ALPL: variants seen among roughly 807,000 people sequenced by gnomAD.
The protein encoded by ALPL is alkaline phosphatase, tissue-nonspecific isozyme.
Under a neutral mutation model 51.3 loss-of-function variants are expected in ALPL, and 42 were observed. The observed-to-expected ratio is 0.82, with a 90% CI of 0.64 to 1.06. The LOEUF is 1.06. ALPL is among the 50% of genes least tolerant of loss of function. The pLI is 0.00. For synonymous variants in ALPL, 279 were observed against 296.4 expected (o/e 0.94, Z 0.60); for missense variants, 589 against 709.4 (o/e 0.83, Z 1.93).
At chr1:21,521,622 A>T (rs1218915756) in intron 1 of ALPL, among the ~76,000 whole-genome samples, 1 of 152,090 alleles carries the variant, frequency 6.6e-6, no homozygotes, top group African/African-American at 2.4e-5. Flanking sequence ...CCCTCCCCAG[A>T]CCTTCACTGG....
At chr1:21,576,424 C>A in intron 10 of ALPL, 98 bp from the exon 11 acceptor site, 1 of 1,532,968 alleles carries the variant, frequency 6.5e-7, no homozygotes, top group Non-Finnish European at 8.9e-7. Context: ...CAAAGAAGAT[C>A]CCAGGGGTTA....
intron 1 of ALPL, among the ~76,000 whole-genome samples, chr1:21,528,536 G>C (rs1361850297): frequency 6.6e-6 from 1 of 151,062 alleles, no homozygotes; most frequent in African/African-American, 2.4e-5. Context: ...ATTTTTAGTA[G>C]AGATGAGATT....
intron 7 of ALPL, among the ~76,000 whole-genome samples, chr1:21,568,846 A>T (rs1644606370): frequency 6.6e-6 from 1 of 151,950 alleles, no homozygotes; most frequent in Non-Finnish European, 1.5e-5. Context: ...TAGATTGGGG[A>T]AGGGAGGCTG....
At chr1:21,533,789 C>A (rs79009615) in intron 1 of ALPL, among the ~76,000 whole-genome samples, 1 of 151,580 alleles carries the variant, frequency 6.6e-6, no homozygotes, top group African/African-American at 2.4e-5. Flanking sequence ...CAGGTGTGGT[C>A]GTGGGCGCCT....
chr1:21,517,209 T>C (rs1454231400), intron 1 of ALPL, among the ~76,000 whole-genome samples: 1 of 152,222 alleles, frequency 6.6e-6, no homozygotes, highest in Non-Finnish European at 1.5e-5. Flanking sequence ...TTGGGGACAG[T>C]CTGTAATGAA....
At chr1:21,530,954 A>ATTTTTT (rs34079543) in intron 1 of ALPL, among the ~76,000 whole-genome samples, 2 of 103,988 alleles carry the variant, frequency 1.9e-5, no homozygotes, top group Non-Finnish European at 3.7e-5. Flanking sequence ...ATCATTTTTG[A>ATTTTTT]TTTTTTTTTT....
At chr1:21,553,940 G>T in intron 1 of ALPL, 38 bp from the exon 2 acceptor site, 1 of 739,258 alleles carries the variant, frequency 1.4e-6, no homozygotes, top group Non-Finnish European at 2.5e-6. Flanking sequence ...CTAGAGCTGT[G>T]CCCCACATGC....
At chr1:21,547,196 C>A (rs1013358264) in intron 1 of ALPL, among the ~76,000 whole-genome samples, 2 of 152,218 alleles carry the variant, frequency 1.3e-5, no homozygotes, top group Admixed American at 6.5e-5. Flanking sequence ...AGCATCGGGC[C>A]CTCCCCCGGG....
chr1:21,531,243 C>T (rs1408670403), intron 1 of ALPL, among the ~76,000 whole-genome samples: 1 of 152,128 alleles, frequency 6.6e-6, no homozygotes, highest in African/African-American at 2.4e-5. Flanking sequence ...CAGGTGTGAG[C>T]CACGGCGCCC....
intron 1 of ALPL, among the ~76,000 whole-genome samples, chr1:21,521,520 C>T (rs1466084168): frequency 1.3e-5 from 2 of 152,184 alleles, no homozygotes; most frequent in Admixed American, 6.5e-5. Flanking sequence ...CAAGGGTTTC[C>T]ACAGCTGGCC....
chr1:21,577,047 A>G (rs1489628738), intron 11 of ALPL, among the ~76,000 whole-genome samples: 1 of 152,070 alleles, frequency 6.6e-6, no homozygotes, highest in East Asian at 1.9e-4. Context: ...ATCCCATCCC[A>G]TATCATTCAT....
At chr1:21,549,129 TG>T (rs1156269704) in intron 1 of ALPL, among the ~76,000 whole-genome samples, 1 of 152,244 alleles carries the variant, frequency 6.6e-6, no homozygotes, top group Non-Finnish European at 1.5e-5. Context: ...TGCAGGTTCT[TG>T]GCATAAAGCC....
rs763457259 is a variant in ALPL, at chr1:21,573,733, G to A, written c.931G>A (p.Glu311Lys). The A allele has an allele frequency of 1.1e-5, 17 of 1,613,986 alleles. No individual in the cohort carries two copies. The highest frequency in any genetic ancestry group is 3.3e-4 in the Middle Eastern group (2 of 6,084). Reference sequence around the variant, plus strand: ...CAACGTGACGGACCCGTCACTCTCCGAGATGGTGGTGGTGGCCATCCAGAT... The same window carrying A: ...CAACGTGACGGACCCGTCACTCTCCAAGATGGTGGTGGTGGCCATCCAGAT... Reference protein sequence around the residue: ...RNNVTDPSLSEMVVVAIQILR... With the variant: ...RNNVTDPSLSKMVVVAIQILR... Residue 311 changes from glutamate to lysine, a missense_variant, in exon 9 of 12, where the codon GAG (glutamate) becomes AAG (lysine). Coordinates refer to ENST00000374840, the MANE Select transcript of ALPL (RefSeq NM_000478.6).
At position 21,529,281 on chromosome 1, in the gene ALPL, G is replaced by C. The variant is rs181644068; in HGVS notation, c.-105+19764G>C. 7.1e-4 allele frequency among the ~76,000 whole-genome samples: 107 copies of C among 150,514 alleles called. 1 individual carries two copies. Among genetic ancestry groups the C allele is most frequent in the African/African-American group, 2.4e-3 (100 of 41,036 alleles). ...GTTTCTTTTTTTTTTTCTGAGACAGGGTCTTACTTTGTCACCCAGGCTGGA... is the reference window on the plus strand; with the variant it reads ...GTTTCTTTTTTTTTTTCTGAGACAGCGTCTTACTTTGTCACCCAGGCTGGA... On this transcript the variant is annotated intron_variant, in intron 1 of 11. Coordinates refer to ENST00000374840, the MANE Select transcript of ALPL (RefSeq NM_000478.6).
At chr1:21,569,253 T>C (rs531475857) in intron 7 of ALPL, among the ~76,000 whole-genome samples, 2 of 152,172 alleles carry the variant, frequency 1.3e-5, no homozygotes, top group African/African-American at 2.4e-5. Flanking sequence ...TTTCTCTACG[T>C]GGCACATGGG....
intron 1 of ALPL, among the ~76,000 whole-genome samples, chr1:21,533,853 G>T (rs1023551771): frequency 2.0e-4 from 30 of 151,916 alleles, no homozygotes; most frequent in African/African-American, 6.3e-4. Flanking sequence ...AACCTCGGAG[G>T]TGGAGTTTGC....
rs115328321 is a variant in ALPL, at chr1:21,564,363, C to T, written c.648+147C>T. 5,438 of 1,078,670 alleles carry T rather than the reference C, an allele frequency of 5.0e-3. 188 individuals are homozygous for T. The African/African-American group carries it at 0.077, about 15-fold the overall frequency. 66.8% of individuals were successfully genotyped at this position (1,078,670 alleles called of 1,614,324 possible). On this transcript the variant is annotated intron_variant, in intron 6 of 11. Transcript: ENST00000374840. This position sits in a 1 kb window ranked among gnomAD's most constrained non-coding sequence, Gnocchi z 5.8. ...GGCTCCCAGCCCATTAGGGGATTTGCGGTTGGGCAGGCAGGCACTGTGGGA... is the reference window on the plus strand; with the variant it reads ...GGCTCCCAGCCCATTAGGGGATTTGTGGTTGGGCAGGCAGGCACTGTGGGA...
chr1:21,559,677 G>A (rs979132291), intron 2 of ALPL, among the ~76,000 whole-genome samples: 13 of 152,132 alleles, frequency 8.5e-5, no homozygotes, highest in African/African-American at 2.2e-4. Context: ...ACACTGCCAC[G>A]CCCAGCTAAT....
chr1:21,555,444 C>T (rs1038129748), intron 2 of ALPL, among the ~76,000 whole-genome samples: 6 of 152,200 alleles, frequency 3.9e-5, no homozygotes, highest in Non-Finnish European at 5.9e-5. Context: ...GAGACAGACT[C>T]TCACTCTGTT....
Sources: allele counts gnomAD v4.1 joint callset (sites outside exome capture counted in the v4.1 genomes callset), GRCh38; gene constraint gnomAD v4.1.1; non-coding constraint Gnocchi (gnomAD v3.1); transcripts MANE v1.5; gene names NCBI Gene and HGNC (gene_info 2026-07-23, HGNC 2026-07-21).